The following TFEB variants were observed in gnomAD, a reference collection of about 807,000 sequenced individuals.
TFEB encodes T-cell transcription factor EB.
In TFEB, 12 loss-of-function variants were observed where a neutral mutation model predicts 48.0. The ratio of observed to expected loss-of-function variants is 0.25; its 90% CI spans 0.16 to 0.40. The LOEUF is 0.40. TFEB is among the 10% of genes least tolerant of loss of function. TFEB has a pLI of 1.00. For synonymous variants in TFEB, 244 were observed against 261.4 expected, an observed-to-expected ratio of 0.93 and a Z score of 0.64; for missense variants, 509 against 640.3, an observed-to-expected ratio of 0.79 and a Z score of 2.21.
chr6:41,713,262 T>C (rs1436102316), intron 1 of TFEB, among the ~76,000 whole-genome samples: 1 of 152,080 alleles, frequency 6.6e-6, no homozygotes, highest in Admixed American at 6.5e-5. Flanking sequence ...CCCAGGAGAA[T>C]GAGTCACCAG....
Position 41,734,827 on chromosome 6 carries a change from G to T in TFEB, c.-23+523C>A. ...CCCCCCCATCAGCCCAGCCCCCGGGGCGTGGCGCCGCTCTGGCCCTCCCAC... is the reference window on the plus strand; with the variant it reads ...CCCCCCCATCAGCCCAGCCCCCGGGTCGTGGCGCCGCTCTGGCCCTCCCAC... On this transcript the variant is annotated intron_variant, in intron 1 of 8. Transcript: ENST00000373033. This position sits in a 1 kb window ranked among gnomAD's most constrained non-coding sequence, Gnocchi z 4.0. 1.1e-6 allele frequency: 1 copy of T among 919,342 alleles called. No homozygotes were observed. Among genetic ancestry groups the T allele is most frequent in the Non-Finnish European group, 1.3e-6 (1 of 769,460 alleles). 56.9% of individuals were successfully genotyped at this position (919,342 alleles called of 1,614,324 possible).
At chr6:41,726,490 C>T (rs545363510) in intron 1 of TFEB, among the ~76,000 whole-genome samples, 2 of 152,028 alleles carry the variant, frequency 1.3e-5, no homozygotes, top group Non-Finnish European at 2.9e-5. Context: ...GTCACCCAGG[C>T]TGGAGTGCAT....
chr6:41,712,973 T>C (rs1236891434), intron 1 of TFEB, among the ~76,000 whole-genome samples: 2 of 152,204 alleles, frequency 1.3e-5, no homozygotes, highest in Non-Finnish European at 2.9e-5. Context: ...GTCTAGCCAC[T>C]GGCTGGGCTG....
intron 1 of TFEB, among the ~76,000 whole-genome samples, chr6:41,706,268 T>TG (rs1367994404): frequency 6.6e-6 from 1 of 151,342 alleles, no homozygotes; most frequent in African/African-American, 2.4e-5. Context: ...AGCAGGGAGG[T>TG]GGGGGGCAGA....
rs1370273688 is a variant in TFEB at position 41,723,022 on chromosome 6, A to G, written c.-23+12328T>C. Among the ~76,000 whole-genome samples, 1 of 152,186 alleles carries G rather than the reference A, an allele frequency of 6.6e-6. No homozygotes were observed. Among genetic ancestry groups the G allele is most frequent in the African/African-American group, 2.4e-5 (1 of 41,434 alleles). On this transcript the variant is annotated intron_variant, in intron 1 of 8. Transcript: ENST00000373033. The surrounding 1 kb of genome is among the most constrained non-coding windows in gnomAD (Gnocchi z 6.0). ...GGATTCAAGCAGGTGGATGTAGAGC[A>G]TATGCTCCCAGCCCCTAATGTAAAT...
At chr6:41,714,396 A>G (rs1035431895) in intron 1 of TFEB, among the ~76,000 whole-genome samples, 2 of 152,208 alleles carry the variant, frequency 1.3e-5, no homozygotes, top group African/African-American at 4.8e-5. Context: ...TTTGTTCTAG[A>G]TTATGAATAA....
intron 1 of TFEB, among the ~76,000 whole-genome samples, chr6:41,716,536 G>A (rs1047725385): frequency 6.6e-6 from 1 of 152,306 alleles, no homozygotes; most frequent in Non-Finnish European, 1.5e-5. Context: ...AGCAATCAAC[G>A]CACAAGCATG....
At position 41,684,875 on chromosome 6, in the gene TFEB, G is replaced by C; in HGVS notation, c.1155C>G (p.Thr385=). 6.4e-7 allele frequency: 1 copy of C among 1,569,962 alleles called. No homozygotes were observed. Among genetic ancestry groups the C allele is most frequent in the Non-Finnish European group, 8.6e-7 (1 of 1,156,336 alleles). Residue 385 remains threonine (T), a synonymous_variant, in exon 9 of 9, where the codon ACC becomes ACG. Transcript: ENST00000373033. The part of the protein sequence containing the change: ...LPPQAPLPLP[T]QPPSPFHHLD... ...GGTGATGGAATGGGGATGGTGGCTG[G>C]GTGGGCAGGGGCAGCGGGGCTTGCG...
At chr6:41,716,290 T>A (rs184018676) in intron 1 of TFEB, among the ~76,000 whole-genome samples, 2 of 152,270 alleles carry the variant, frequency 1.3e-5, no homozygotes, top group East Asian at 3.9e-4. Flanking sequence ...CCCCTCCCTA[T>A]AATGTCTGCT....
chr6:41,732,913 G>T (rs1771513841), intron 1 of TFEB: 2 of 985,444 alleles, frequency 2.0e-6, no homozygotes, highest in Non-Finnish European at 2.4e-6. Flanking sequence ...CCAGGACAAA[G>T]GCCCAACCTG....
chr6:41,714,861 A>G (rs537752291), intron 1 of TFEB, among the ~76,000 whole-genome samples: 2 of 152,042 alleles, frequency 1.3e-5, no homozygotes, highest in African/African-American at 4.8e-5. Flanking sequence ...ACAGGTTGGC[A>G]CTCCTCCGGG....
In TFEB at chr6:41,690,771, G is replaced by A. The variant is rs779759506; in HGVS notation, c.360C>T (p.Ala120=). 3.7e-6 allele frequency: 6 copies of A among 1,611,052 alleles called. No homozygotes were observed. Among genetic ancestry groups the A allele is most frequent in the African/African-American group, 1.3e-5 (1 of 74,898 alleles). ...GTCCAGCTCGCACCCCTGGGGAGGC[G>A]GCTGGTGGGGGTTTCGGAGAGCCCT... ...PAQGSPKPPP[A]ASPGVRAGHV... The change falls in exon 3 of 9, where the codon GCC becomes GCT. Residue 120 remains alanine, a synonymous_variant. Coordinates refer to ENST00000373033, the MANE Select transcript of TFEB (RefSeq NM_001271944.2).
chr6:41,715,083 G>A (rs1770675376), intron 1 of TFEB, among the ~76,000 whole-genome samples: 1 of 152,126 alleles, frequency 6.6e-6, no homozygotes. Flanking sequence ...GGGAGTGGGA[G>A]GACCACCCCA....
intron 3 of TFEB, among the ~76,000 whole-genome samples, chr6:41,690,445 T>C (rs1322435188): frequency 1.3e-5 from 2 of 152,232 alleles, no homozygotes; most frequent in African/African-American, 4.8e-5. Context: ...GCAGAGCTTT[T>C]GAAAGTAAGG....
At position 41,723,394 on chromosome 6, in the gene TFEB, C is replaced by T; in HGVS notation, c.-23+11956G>A. ...ATGCACACAGGCTAACACACATGGA[C>T]ACACATTCACACACATGCTCACACA... On this transcript the variant is annotated intron_variant, in intron 1 of 8. Transcript: ENST00000373033. The surrounding 1 kb of genome is among the most constrained non-coding windows in gnomAD (Gnocchi z 6.0). 1 of 996,966 alleles carries T rather than the reference C, an allele frequency of 1.0e-6. No homozygotes were observed. The highest frequency in any genetic ancestry group is 1.3e-5 in the South Asian group (1 of 74,956). The allele number at this position is 996,966 out of a possible 1,614,324, so 61.8% of individuals were successfully genotyped here.
rs1769265010 is a variant in TFEB at position 41,690,810 on chromosome 6, G to A, written c.321C>T (p.His107=). ...TCGGAGAGCCCTGGGCTGGGCTGAT[G>A]TGGGCAGCAAACTTGTTCCCATAGG... is the stretch of plus-strand genomic sequence containing the variant. ...SETYGNKFAA[H]ISPAQGSPKP... The change falls in exon 3 of 9, where the codon CAC becomes CAT. Residue 107 remains histidine, a synonymous_variant. Transcript: ENST00000373033. The A allele has an allele frequency of 1.9e-6, 3 of 1,613,138 alleles. No individual in the cohort carries two copies. The highest frequency in any genetic ancestry group is 2.2e-5 in the East Asian group (1 of 44,878).
upstream of TFEB, among the ~76,000 whole-genome samples, chr6:41,735,989 C>A (rs1771662357): frequency 6.6e-6 from 1 of 152,190 alleles, no homozygotes; most frequent in African/African-American, 2.4e-5. Context: ...TCCAGCTTCT[C>A]TTCAGGAGTA....
In TFEB at chr6:41,724,579, G is replaced by A. The variant is rs913347074; in HGVS notation, c.-23+10771C>T. Among the ~76,000 whole-genome samples, 27 of 152,112 alleles carry A rather than the reference G, an allele frequency of 1.8e-4. No homozygotes were observed. The highest frequency in any genetic ancestry group is 5.8e-4 in the African/African-American group (24 of 41,440). On this transcript the variant is annotated intron_variant, in intron 1 of 8. Transcript: ENST00000373033. The surrounding 1 kb of genome is among the most constrained non-coding windows in gnomAD (Gnocchi z 4.4). ...GACACAAAGGATGAGTAGGAGCCAGGCCTGGGTGTGCAGAGCCCCCAGGGA... is the reference window on the plus strand; with the variant it reads ...GACACAAAGGATGAGTAGGAGCCAGACCTGGGTGTGCAGAGCCCCCAGGGA...
In TFEB at chr6:41,684,478, G is replaced by C. The variant is rs1482846397; in HGVS notation, c.*121C>G. ...AGTCCAAACAGGGGCCAACGGGGAG[G>C]AGGGAGGCAGGGCAGGTGGCTACTT... is the stretch of plus-strand genomic sequence containing the variant. On this transcript the variant is annotated 3_prime_UTR_variant, in exon 9 of 9. Transcript: ENST00000373033. 1 of 1,260,032 alleles carries C rather than the reference G, an allele frequency of 7.9e-7. No homozygotes were observed. Among genetic ancestry groups the C allele is most frequent in the Non-Finnish European group, 1.0e-6 (1 of 963,928 alleles). 78.1% of individuals were successfully genotyped at this position (1,260,032 alleles called of 1,614,324 possible).
Sources: gnomAD v4.1 joint callset for allele counts (sites outside exome capture counted in the v4.1 genomes callset) on GRCh38, gnomAD v4.1.1 for gene constraint, Gnocchi (gnomAD v3.1) non-coding constraint, MANE v1.5 for transcripts, NCBI Gene and HGNC (gene_info 2026-07-23, HGNC 2026-07-21) for gene names.